FMN1: variants seen among roughly 807,000 people sequenced by gnomAD.
FMN1 encodes formin 1.
In FMN1, 110 loss-of-function variants were observed where a neutral mutation model predicts 132.4. The ratio of observed to expected loss-of-function variants is 0.83; its 90% CI spans 0.71 to 0.97. The LOEUF is 0.97. Ranked by LOEUF, FMN1 falls within the 50% of genes least tolerant of loss-of-function variation. The pLI is 0.00. For missense variants in FMN1, 1,792 were observed against 1,705.3 expected, an observed-to-expected ratio of 1.05 and a Z score of -0.90; for synonymous variants, 722 against 651.7, an observed-to-expected ratio of 1.11 and a Z score of -1.64.
intron 6 of FMN1, among the ~76,000 whole-genome samples, chr15:33,009,647 C>A (rs1419720837): frequency 6.6e-6 from 1 of 152,170 alleles, no homozygotes; most frequent in Non-Finnish European, 1.5e-5. Flanking sequence ...CTTACTTTAT[C>A]AACTCATTTC....
At chr15:33,192,507 T>C (rs143244627) in intron 2 of FMN1, among the ~76,000 whole-genome samples, 47 of 152,346 alleles carry the variant, frequency 3.1e-4, no homozygotes, top group African/African-American at 1.1e-3. Flanking sequence ...CAGTCTAGAA[T>C]AGGGCCAGAG....
chr15:32,929,613 C>T (rs77957894), intron 9 of FMN1, among the ~76,000 whole-genome samples: 1 of 152,208 alleles, frequency 6.6e-6, no homozygotes, highest in Non-Finnish European at 1.5e-5. Context: ...CCCCTGGGAA[C>T]CACCATTCTA....
chr15:32,839,272 T>C (rs2141203803), intron 17 of FMN1, among the ~76,000 whole-genome samples: 1 of 152,192 alleles, frequency 6.6e-6, no homozygotes, highest in East Asian at 1.9e-4. Context: ...GGACAGGACA[T>C]TTTGAACCAT....
At chr15:32,823,464 G>C (rs28575860) in intron 17 of FMN1, among the ~76,000 whole-genome samples, 1 of 151,862 alleles carries the variant, frequency 6.6e-6, no homozygotes, top group Non-Finnish European at 1.5e-5. Flanking sequence ...GCGCCCGGCC[G>C]AGAGTTTCTA....
At position 33,088,884 on chromosome 15, in the gene FMN1, C is replaced by A; in HGVS notation, c.1958G>T (p.Gly653Val). The change falls in exon 5 of 21, where the codon GGC becomes GTC. Residue 653 changes from glycine (G) to valine (V), a missense_variant. By Grantham distance (109) the Gly-to-Val change is moderately radical. This residue lies in a region of FMN1 where 1,150 missense variants were observed against 1,043.1 expected (regional missense o/e 1.10). Transcript: ENST00000616417. Reference sequence around the variant, plus strand: ...TGGACAGGCTGGTCCCGCTCTGTAGCCCAGAACCCACGCGCCTCCATCTCT... The same window carrying A: ...TGGACAGGCTGGTCCCGCTCTGTAGACCAGAACCCACGCGCCTCCATCTCT... Reference protein sequence around the residue: ...PNRDGGAWVLGYRAGPACPFL... With the variant: ...PNRDGGAWVLVYRAGPACPFL... The A allele has an allele frequency of 6.5e-7, 1 of 1,535,962 alleles. No individual in the cohort carries two copies. Among genetic ancestry groups the A allele is most frequent in the Non-Finnish European group, 8.7e-7 (1 of 1,146,828 alleles).
intron 19 of FMN1, among the ~76,000 whole-genome samples, chr15:32,786,041 T>C (rs139095348): frequency 1.6e-4 from 24 of 152,256 alleles, no homozygotes; most frequent in African/African-American, 5.3e-4. Context: ...CAACAGGTAA[T>C]GTGCCTTTAA....
At chr15:32,936,721 GAGA>G (rs933851856) in intron 9 of FMN1, among the ~76,000 whole-genome samples, 14 of 151,770 alleles carry the variant, frequency 9.2e-5, no homozygotes, top group African/African-American at 2.2e-4. Flanking sequence ...AGGAAGGAAG[GAGA>G]AGAAGAAGAA....
rs1595871571 is a variant in FMN1 at position 32,767,270 on chromosome 15, A to G, written c.*7040T>C. The G allele has an allele frequency of 6.6e-6, 1 of 152,206 alleles. No homozygotes were observed. The allele number at this position is 152,206 out of a possible 1,614,324, so 9.4% of individuals were successfully genotyped here. A position where few individuals can be genotyped will look rare whatever the true frequency, so the allele number is the denominator to read the frequency against. Reference sequence around the variant, plus strand: ...AAACTCACAAGATACCAGTTATATGAAGACATAAAACTGCATGGATCAGGT... The same window carrying G: ...AAACTCACAAGATACCAGTTATATGGAGACATAAAACTGCATGGATCAGGT... On this transcript the variant is annotated 3_prime_UTR_variant, in exon 21 of 21. Coordinates refer to ENST00000616417, the MANE Select transcript of FMN1 (RefSeq NM_001277313.2).
intron 7 of FMN1, among the ~76,000 whole-genome samples, chr15:33,007,462 AGG>A (rs2034479089): frequency 6.6e-6 from 1 of 152,134 alleles, no homozygotes; most frequent in South Asian, 2.1e-4. Context: ...TGGCAGCACA[AGG>A]GAAATGATCC....
chr15:32,840,398 C>T (rs920517038), intron 17 of FMN1, among the ~76,000 whole-genome samples: 1 of 152,178 alleles, frequency 6.6e-6, no homozygotes, highest in Non-Finnish European at 1.5e-5. Flanking sequence ...CTCTATTTTT[C>T]CCTTCTCACT....
At chr15:33,094,943 A>T (rs17235589) in intron 4 of FMN1, among the ~76,000 whole-genome samples, 11,780 of 152,280 alleles carry the variant, frequency 0.077, 603 homozygotes, top group Middle Eastern at 0.12. Context: ...AGATTGTAGG[A>T]TTCACTGAGA....
rs965982250 is a variant in FMN1, at chr15:32,773,519, T to C, written c.*791A>G. On this transcript the variant is annotated 3_prime_UTR_variant, in exon 21 of 21. Coordinates refer to ENST00000616417, the MANE Select transcript of FMN1 (RefSeq NM_001277313.2). ...CCCAAGGCTGTGCTTGCTCAGGTAT[T>C]ACATTTTCTCCTGGGAGTTGGGGTG... The C allele has an allele frequency of 6.6e-6, 1 of 152,222 alleles. No homozygotes were observed. The highest frequency in any genetic ancestry group is 6.5e-5 in the Admixed American group (1 of 15,278). 9.4% of individuals were successfully genotyped at this position (152,222 alleles called of 1,614,324 possible).
At chr15:32,810,981 G>T (rs899663067) in intron 17 of FMN1, 4 of 456,144 alleles carry the variant, frequency 8.8e-6, no homozygotes, top group African/African-American at 6.0e-5. Context: ...TCTGCTTCAC[G>T]TGGGATCCGT....
At chr15:32,799,486 G>A (rs1411819294) in intron 18 of FMN1, among the ~76,000 whole-genome samples, 1 of 152,082 alleles carries the variant, frequency 6.6e-6, no homozygotes, top group African/African-American at 2.4e-5. Context: ...TTTTCTCAAG[G>A]GTAAAATAAG....
At chr15:32,949,966 C>CACATATATATATAT (rs1555503133) in intron 9 of FMN1, among the ~76,000 whole-genome samples, 1 of 7,406 alleles carries the variant, frequency 1.4e-4, no homozygotes, top group Non-Finnish European at 2.9e-4. Context: ...TATATATATA[C>CACATATATATATAT]ACACATATAT....
intron 4 of FMN1, chr15:33,150,726 C>A (rs148889972): frequency 3.0e-6 from 3 of 985,486 alleles, no homozygotes; most frequent in Non-Finnish European, 3.6e-6. Context: ...CTTTCTTAAG[C>A]AGTTAATGAG....
chr15:32,945,008 T>C (rs1409703769), intron 9 of FMN1, among the ~76,000 whole-genome samples: 1 of 152,212 alleles, frequency 6.6e-6, no homozygotes, highest in Non-Finnish European at 1.5e-5. Context: ...TCTAGAATTA[T>C]GAGACAATAA....
intron 4 of FMN1, among the ~76,000 whole-genome samples, chr15:33,141,877 G>A (rs915189398): frequency 3.3e-5 from 5 of 152,042 alleles, no homozygotes; most frequent in African/African-American, 1.2e-4. Context: ...GTAAGCCTTT[G>A]GCTGGCAATG....
At chr15:32,989,116 T>C (rs1223380390) in intron 7 of FMN1, among the ~76,000 whole-genome samples, 2 of 148,796 alleles carry the variant, frequency 1.3e-5, no homozygotes, top group East Asian at 4.1e-4. Context: ...GAAATCACTT[T>C]GGTTTACATC....
Sources: allele counts gnomAD v4.1 joint callset (sites outside exome capture counted in the v4.1 genomes callset), GRCh38; gene constraint gnomAD v4.1.1; regional missense constraint gnomAD v4.1.1; transcripts MANE v1.5; gene names NCBI Gene and HGNC (gene_info 2026-07-23, HGNC 2026-07-21).